The following SPIDR variants were observed in gnomAD, a reference collection of about 807,000 sequenced individuals.
SPIDR encodes scaffold protein involved in DNA repair.
SPIDR carries 93 observed loss-of-function variants against 104.6 expected under a neutral mutation model. The observed-to-expected ratio is 0.89, with a 90% CI of 0.75 to 1.06. SPIDR has a LOEUF of 1.06. Ranked by LOEUF, SPIDR falls within the 50% of genes least tolerant of loss-of-function variation. The pLI, the probability that SPIDR is intolerant of heterozygous loss-of-function variation, is 0.00. For missense variants in SPIDR, 1,154 were observed against 1,111.2 expected, an observed-to-expected ratio of 1.04 and a Z score of -0.55; for synonymous variants, 431 against 416.9, an observed-to-expected ratio of 1.03 and a Z score of -0.41.
At chr8:47,715,913 C>T (rs1390637866) in intron 16 of SPIDR, among the ~76,000 whole-genome samples, 1 of 151,762 alleles carries the variant, frequency 6.6e-6, no homozygotes, top group East Asian at 1.9e-4. Flanking sequence ...TTGAAGAACA[C>T]CAGTGTTTTC....
At chr8:47,327,691 T>G (rs1400251119) in intron 5 of SPIDR, among the ~76,000 whole-genome samples, 1 of 152,152 alleles carries the variant, frequency 6.6e-6, no homozygotes, top group African/African-American at 2.4e-5. Context: ...GCCTCCCAAG[T>G]AGCTGGGATT....
intron 8 of SPIDR, among the ~76,000 whole-genome samples, chr8:47,552,856 T>C (rs1017605657): frequency 2.0e-5 from 3 of 152,154 alleles, no homozygotes; most frequent in African/African-American, 4.8e-5. Flanking sequence ...TTCCTAGCAT[T>C]GATGGTCTTT....
chr8:47,574,093 A>T (rs958414564), intron 8 of SPIDR, among the ~76,000 whole-genome samples: 1 of 152,190 alleles, frequency 6.6e-6, no homozygotes, highest in Non-Finnish European at 1.5e-5. Context: ...GCTTGCCTCT[A>T]TGTGGTAATA....
chr8:47,382,907 G>A (rs782169346), intron 5 of SPIDR, among the ~76,000 whole-genome samples: 5 of 152,174 alleles, frequency 3.3e-5, no homozygotes, highest in African/African-American at 4.8e-5. Flanking sequence ...AGAAGCAATA[G>A]GTCTTTTTCT....
intron 7 of SPIDR, among the ~76,000 whole-genome samples, chr8:47,429,385 G>T (rs921828154): frequency 6.6e-6 from 1 of 152,044 alleles, no homozygotes; most frequent in Non-Finnish European, 1.5e-5. Flanking sequence ...TGCACAGCAC[G>T]CAATATCTCC....
chr8:47,728,467 CACAA>C (rs919808379), intron 17 of SPIDR, among the ~76,000 whole-genome samples: 1 of 152,012 alleles, frequency 6.6e-6, no homozygotes, highest in African/African-American at 2.4e-5. Context: ...AAAAAACACA[CACAA>C]AGCAAAGAGC....
At chr8:47,695,742 G>A (rs755415348) in intron 11 of SPIDR, among the ~76,000 whole-genome samples, 1 of 152,144 alleles carries the variant, frequency 6.6e-6, no homozygotes, top group African/African-American at 2.4e-5. Context: ...ACTTTGAATG[G>A]TTGGTTTTCC....
At chr8:47,487,363 T>G (rs1252907832) in intron 8 of SPIDR, among the ~76,000 whole-genome samples, 2 of 152,122 alleles carry the variant, frequency 1.3e-5, no homozygotes, top group Non-Finnish European at 2.9e-5. Flanking sequence ...AGCAAGTCCT[T>G]AGAGACCTAC....
chr8:47,556,000 A>G (rs981767234), intron 8 of SPIDR, among the ~76,000 whole-genome samples: 7 of 152,330 alleles, frequency 4.6e-5, no homozygotes, highest in Middle Eastern at 3.4e-3. Context: ...GATTTTAAAG[A>G]TGTTATAGGT....
intron 10 of SPIDR, among the ~76,000 whole-genome samples, chr8:47,623,348 C>A (rs951821549): frequency 2.6e-5 from 4 of 152,154 alleles, no homozygotes; most frequent in Non-Finnish European, 5.9e-5. Flanking sequence ...AAATAGCCAG[C>A]TGACATCATA....
intron 5 of SPIDR, among the ~76,000 whole-genome samples, chr8:47,383,630 TCTAAGAAAA>T (rs1421368697): frequency 6.6e-6 from 1 of 152,206 alleles, no homozygotes; most frequent in Non-Finnish European, 1.5e-5. Flanking sequence ...TCATCATCAT[TCTAAGAAAA>T]TAGATTTAGA....
At chr8:47,297,768 C>G (rs1309422603) in intron 5 of SPIDR, among the ~76,000 whole-genome samples, 1 of 152,230 alleles carries the variant, frequency 6.6e-6, no homozygotes, top group East Asian at 1.9e-4. Context: ...TCATCCATGT[C>G]CCTACAAAGG....
At chr8:47,666,838 T>G (rs893938333) in intron 10 of SPIDR, among the ~76,000 whole-genome samples, 1 of 152,188 alleles carries the variant, frequency 6.6e-6, no homozygotes, top group Non-Finnish European at 1.5e-5. Context: ...CTATAAAATT[T>G]GAAAAATACT....
chr8:47,676,875 G>A (rs2076514042), intron 11 of SPIDR, among the ~76,000 whole-genome samples: 1 of 152,222 alleles, frequency 6.6e-6, no homozygotes, highest in Non-Finnish European at 1.5e-5. Context: ...CCTATGCAGG[G>A]AGCACCGCTC....
intron 10 of SPIDR, among the ~76,000 whole-genome samples, chr8:47,629,359 C>T (rs1287830637): frequency 6.6e-6 from 1 of 152,022 alleles, no homozygotes; most frequent in Non-Finnish European, 1.5e-5. Flanking sequence ...TTAGGCTTGG[C>T]GGGCCATACC....
At chr8:47,329,508 A>G (rs2154267157) in intron 5 of SPIDR, among the ~76,000 whole-genome samples, 1 of 152,254 alleles carries the variant, frequency 6.6e-6, no homozygotes, top group South Asian at 2.1e-4. Flanking sequence ...TACCCAGCCT[A>G]CAATATGTTT....
At chr8:47,563,741 T>C (rs2057383357) in intron 8 of SPIDR, among the ~76,000 whole-genome samples, 1 of 152,188 alleles carries the variant, frequency 6.6e-6, no homozygotes, top group African/African-American at 2.4e-5. Flanking sequence ...TGATCTAAAT[T>C]TTATTCTAAT....
At chr8:47,326,160 C>T (rs946499005) in intron 5 of SPIDR, among the ~76,000 whole-genome samples, 96 of 152,186 alleles carry the variant, frequency 6.3e-4, no homozygotes, top group African/African-American at 2.0e-3. Flanking sequence ...ACGTCCTGCT[C>T]GTTTCTGTAT....
At chr8:47,372,073 A>G (rs1554639378) in intron 5 of SPIDR, among the ~76,000 whole-genome samples, 1 of 152,134 alleles carries the variant, frequency 6.6e-6, no homozygotes, top group African/African-American at 2.4e-5. Flanking sequence ...TCTTCTGGGA[A>G]GACTTCCCCA....
Sources: gnomAD v4.1 joint callset for allele counts (sites outside exome capture counted in the v4.1 genomes callset) on GRCh38, gnomAD v4.1.1 for gene constraint, MANE v1.5 for transcripts, NCBI Gene and HGNC (gene_info 2026-07-23, HGNC 2026-07-21) for gene names.